The following CEP295 variants were observed in gnomAD, a reference collection of about 807,000 sequenced individuals.
The protein encoded by CEP295 is centrosomal protein of 295 kDa.
Under a neutral mutation model 291.6 loss-of-function variants are expected in CEP295, and 190 were observed. The ratio of observed to expected loss-of-function variants is 0.65; its 90% CI spans 0.58 to 0.73. The LOEUF is 0.73. CEP295 is among the 30% of genes least tolerant of loss of function. The pLI, the probability that CEP295 is intolerant of heterozygous loss-of-function variation, is 0.00. For missense variants in CEP295, 2,863 were observed against 2,949.4 expected, an observed-to-expected ratio of 0.97 and a Z score of 0.68; for synonymous variants, 993 against 1,038.8, an observed-to-expected ratio of 0.96 and a Z score of 0.85.
chr11:93,723,334 A>C (rs994803858), intron 21 of CEP295, 45 bp downstream of exon 21: 2 of 1,328,520 alleles, frequency 1.5e-6, no homozygotes, highest in African/African-American at 3.0e-5. Flanking sequence ...TTAAGTTTTA[A>C]ATTTTCACCT....
chr11:93,709,339 G>T (rs780804052), intron 18 of CEP295, among the ~76,000 whole-genome samples: 8 of 152,140 alleles, frequency 5.3e-5, no homozygotes, highest in Non-Finnish European at 1.2e-4. Context: ...GAGGGATAGG[G>T]TCTAGTTTTA....
intron 8 of CEP295, 47 bp from the exon 9 acceptor site, chr11:93,683,911 GTTATTT>G: frequency 3.3e-6 from 5 of 1,517,320 alleles, no homozygotes; most frequent in Non-Finnish European, 4.4e-6. Context: ...TTGTGATCCA[GTTATTT>G]TTAATCATTT....
chr11:93,715,602 C>T (rs1374717204), intron 18 of CEP295, among the ~76,000 whole-genome samples: 3 of 152,052 alleles, frequency 2.0e-5, no homozygotes, highest in Non-Finnish European at 4.4e-5. Flanking sequence ...CTGGGTCACA[C>T]ATGAAGCCAT....
rs750245127 is a variant in CEP295, at chr11:93,699,516, G to A, written c.4604G>A (p.Ser1535Asn). The part of the protein sequence containing the change: ...VQEELLLQRL[S>N]ELEKRVSSEQ... ...GAAGAATTGCTTTTGCAAAGATTAA[G>A]TGAATTGGAGAAAAGGGTATCATCT... The change falls in exon 15 of 30, where the codon AGT becomes AAT. Residue 1535 changes from serine (S) to asparagine (N), a missense_variant. Physicochemically the swap from Ser to Asn is conservative, Grantham distance 46. Transcript: ENST00000325212. 6.4e-7 allele frequency: 1 copy of A among 1,551,822 alleles called. No homozygotes were observed. Among genetic ancestry groups the A allele is most frequent in the Non-Finnish European group, 8.7e-7 (1 of 1,147,036 alleles).
chr11:93,713,052 T>C (rs1250397225), intron 18 of CEP295, among the ~76,000 whole-genome samples: 2 of 152,098 alleles, frequency 1.3e-5, no homozygotes, highest in Non-Finnish European at 2.9e-5. Context: ...TTAGGAATGA[T>C]TGCATAAACA....
chr11:93,697,097 G>T lies in CEP295; in HGVS notation c.2185G>T (p.Asp729Tyr), dbSNP rs1031790395. 184 of 1,551,560 alleles carry T rather than the reference G, an allele frequency of 1.2e-4. No homozygotes were observed. The highest frequency in any genetic ancestry group is 1.5e-4 in the Non-Finnish European group (176 of 1,147,006). ...GAGAGACTATAAATTGGTCCCCAAAGATTCTGAGACACTTTCAAGGGCTTT... is the reference window on the plus strand; with the variant it reads ...GAGAGACTATAAATTGGTCCCCAAATATTCTGAGACACTTTCAAGGGCTTT... The part of the protein sequence containing the change: ...QQRDYKLVPK[D>Y]SETLSRALSH... Residue 729 changes from aspartate (D) to tyrosine (Y), a missense_variant, in exon 15 of 30, where the codon GAT becomes TAT. This residue lies in a region of CEP295 where 2,295 missense variants were observed against 2,335.7 expected (regional missense o/e 0.98). Transcript: ENST00000325212.
chr11:93,683,867 T>G (rs1407021575), intron 8 of CEP295, 97 bp from the exon 9 acceptor site: 2 of 1,440,336 alleles, frequency 1.4e-6, no homozygotes, highest in Non-Finnish European at 1.9e-6. Context: ...CCCCCCATAT[T>G]TTAGATTGAG....
intron 10 of CEP295, 146 bp downstream of exon 10, chr11:93,688,011 C>T: frequency 1.9e-6 from 1 of 522,378 alleles, no homozygotes; most frequent in Non-Finnish European, 3.3e-6. Context: ...ATTATAAAAG[C>T]CTTAGTGAAT....
In CEP295 at chr11:93,675,557, G is replaced by A; in HGVS notation, c.529-14G>A. 1.5e-6 allele frequency: 2 copies of A among 1,365,198 alleles called. No individual in the cohort carries two copies. The highest frequency in any genetic ancestry group is 1.5e-5 in the African/African-American group (1 of 65,944). The allele number at this position is 1,365,198 out of a possible 1,614,324, so 84.6% of individuals were successfully genotyped here. On this transcript the variant is annotated splice_polypyrimidine_tract_variant and intron_variant, in intron 5 of 29. Transcript: ENST00000325212. ...TAATGCTTTTAACCTATTTTTTTATGTTCTCTTTTCCAGAACATCGAAGTA... is the reference window on the plus strand; with the variant it reads ...TAATGCTTTTAACCTATTTTTTTATATTCTCTTTTCCAGAACATCGAAGTA...
chr11:93,721,761 G>T (rs1253108290), intron 19 of CEP295, 193 bp from the exon 20 acceptor site: 2 of 728,906 alleles, frequency 2.7e-6, no homozygotes, highest in East Asian at 5.1e-5. Context: ...GGGTGGGGGG[G>T]TGCGTATGTA....
Position 93,727,387 on chromosome 11 carries a change from A to C in CEP295, c.6911A>C (p.Asn2304Thr). 6.4e-7 allele frequency: 1 copy of C among 1,551,624 alleles called. No individual in the cohort carries two copies. The highest frequency in any genetic ancestry group is 8.7e-7 in the Non-Finnish European group (1 of 1,146,956). Residue 2304 changes from asparagine to threonine, a missense_variant, in exon 24 of 30, where the codon AAT (asparagine) becomes ACT (threonine). Physicochemically the swap from Asn to Thr is moderately conservative, Grantham distance 65 (BLOSUM62 0). This residue lies in a region of CEP295 where 2,295 missense variants were observed against 2,335.7 expected (regional missense o/e 0.98). Coordinates refer to ENST00000325212, the MANE Select transcript of CEP295 (RefSeq NM_033395.2). Reference protein sequence around the residue: ...QSQGLIEDNKNETCRVLDINP... With the variant: ...QSQGLIEDNKTETCRVLDINP... ...CAAGGACTCATTGAAGATAATAAAA[A>C]TGAAACCTGTAGGGTTTTAGACATA...
At chr11:93,679,651 G>T (rs1324424806) in intron 7 of CEP295, 99 bp downstream of exon 7, 7 of 998,644 alleles carry the variant, frequency 7.0e-6, no homozygotes, top group African/African-American at 1.6e-5. Context: ...AGGAAGGGTG[G>T]GTGTTCAATA....
intron 2 of CEP295, 36 bp from the exon 3 acceptor site, chr11:93,667,568 ACCT>A: frequency 7.0e-7 from 1 of 1,436,696 alleles, no homozygotes; most frequent in Non-Finnish European, 9.3e-7. Flanking sequence ...GTTTAAGTAA[ACCT>A]CCTTTCATAT....
At chr11:93,662,932 T>C (rs1202459546) in intron 1 of CEP295, among the ~76,000 whole-genome samples, 2 of 152,254 alleles carry the variant, frequency 1.3e-5, no homozygotes, top group Non-Finnish European at 2.9e-5. Context: ...TAATCAATTC[T>C]GTGGTGTTCT....
In CEP295 at chr11:93,721,886, T is replaced by A. The variant is rs754646741; in HGVS notation, c.5851-68T>A. 3.0e-5 allele frequency: 30 copies of A among 998,428 alleles called. No homozygotes were observed. In the African/African-American group the frequency reaches 3.7e-4, roughly 12 times the overall value. The allele number at this position is 998,428 out of a possible 1,614,324, so 61.8% of individuals were successfully genotyped here. On this transcript the variant is annotated intron_variant, in intron 19 of 29. Coordinates refer to ENST00000325212, the MANE Select transcript of CEP295 (RefSeq NM_033395.2). ...AGCTCAGAAGTGACAACTGCTGGGG[T>A]TGGTGATTTGGGGTTTTCTTACATA...
intron 15 of CEP295, among the ~76,000 whole-genome samples, chr11:93,701,192 C>G (rs937218239): frequency 6.6e-6 from 1 of 152,170 alleles, no homozygotes; most frequent in East Asian, 1.9e-4. Flanking sequence ...TGGCAAAACC[C>G]TGTCTCTACA....
chr11:93,700,385 G>A (rs1054399223), intron 15 of CEP295, among the ~76,000 whole-genome samples, 199 bp downstream of exon 15: 21 of 151,008 alleles, frequency 1.4e-4, no homozygotes, highest in Admixed American at 7.2e-4. Context: ...TAATAGTTAC[G>A]TGAAGTCCAA....
At position 93,701,251 on chromosome 11, in the gene CEP295, G is replaced by A. The variant is rs148209345; in HGVS notation, c.5274+1065G>A. On this transcript the variant is annotated intron_variant, in intron 15 of 29. Coordinates refer to ENST00000325212, the MANE Select transcript of CEP295 (RefSeq NM_033395.2). ...ATGGTAGCATGTACCTCTAGTCCTA[G>A]CAACTCTGGAGGCTTAGGTGGGAGG... 4.6e-5 allele frequency among the ~76,000 whole-genome samples: 7 copies of A among 152,220 alleles called. No homozygotes were observed. The East Asian group carries it at 1.4e-3, about 29-fold the overall frequency.
At chr11:93,685,952 G>A (rs1362061106) in intron 9 of CEP295, among the ~76,000 whole-genome samples, 3 of 151,418 alleles carry the variant, frequency 2.0e-5, no homozygotes, top group South Asian at 2.1e-4. Flanking sequence ...CTTGTGACCC[G>A]CCCACCTCTG....
Sources: gnomAD v4.1 joint callset for allele counts (sites outside exome capture counted in the v4.1 genomes callset) on GRCh38, gnomAD v4.1.1 for gene constraint, gnomAD v4.1.1 regional missense constraint, MANE v1.5 for transcripts, NCBI Gene and HGNC (gene_info 2026-07-23, HGNC 2026-07-21) for gene names.